SMAD3: variants seen among roughly 807,000 people sequenced by gnomAD.
SMAD3 encodes the protein SMAD family member 3, also known as MAD homolog 3.
A neutral mutation model predicts 51.8 loss-of-function variants in SMAD3; 12 were observed. The observed-to-expected ratio is 0.23, with a 90% confidence interval of 0.15 to 0.38. The LOEUF (loss-of-function observed/expected upper bound fraction) is 0.38. Among genes scored for constraint, SMAD3 ranks in the 10% least tolerant of loss-of-function variants. The probability of loss-of-function intolerance (pLI) is 1.00; values close to 1 mark genes in which losing one functional copy is unlikely to be tolerated. For synonymous variants in SMAD3, 238 were observed against 227.7 expected (o/e 1.05, Z -0.41); for missense variants, 294 against 565.6 (o/e 0.52, Z 4.87).
intron 1 of SMAD3, among the ~76,000 whole-genome samples, chr15:67,149,097 AGCAGAGAGCCACAGAGTGG>A (rs1424932918): frequency 6.6e-6 from 1 of 152,202 alleles, no homozygotes; most frequent in Admixed American, 6.5e-5. Context: ...GGTCATTCTT[AGCAGAGAGCCACAGAGTGG>A]GTTACTGTTT....
intron 1 of SMAD3, among the ~76,000 whole-genome samples, chr15:67,107,920 C>T (rs1025236134): frequency 2.0e-5 from 3 of 152,048 alleles, no homozygotes; most frequent in African/African-American, 7.2e-5. Flanking sequence ...GTGACTGGGC[C>T]TCCAGGTCAT....
intron 1 of SMAD3, chr15:67,098,865 C>T (rs1046387184): frequency 1.7e-5 from 12 of 701,362 alleles, no homozygotes; most frequent in Middle Eastern, 2.6e-4. Flanking sequence ...GGTGGGAGGG[C>T]ATACATGGAT....
intron 1 of SMAD3, among the ~76,000 whole-genome samples, chr15:67,081,287 G>A (rs1282085377): frequency 6.6e-6 from 1 of 152,216 alleles, no homozygotes; most frequent in African/African-American, 2.4e-5. Flanking sequence ...GAGCCCTGGT[G>A]TCATGGGGAT....
At chr15:67,175,106 G>T (rs563601714) in intron 5 of SMAD3, among the ~76,000 whole-genome samples, 19 of 152,336 alleles carry the variant, frequency 1.2e-4, no homozygotes, top group African/African-American at 4.6e-4. Flanking sequence ...AAGGATTGGG[G>T]TAAATGGAGG....
At chr15:67,147,576 T>C (rs1962013220) in intron 1 of SMAD3, among the ~76,000 whole-genome samples, 1 of 152,058 alleles carries the variant, frequency 6.6e-6, no homozygotes, top group Admixed American at 6.6e-5. Flanking sequence ...CCCCACCAGC[T>C]CCAAAGTCCT....
At chr15:67,138,427 C>T (rs1033758015) in intron 1 of SMAD3, 18 of 317,964 alleles carry the variant, frequency 5.7e-5, no homozygotes, top group Non-Finnish European at 8.5e-5. Context: ...GTGGGGAGAG[C>T]GTGCTGGGGA....
At chr15:67,182,713 G>A (rs1036973571) in intron 6 of SMAD3, among the ~76,000 whole-genome samples, 1 of 151,926 alleles carries the variant, frequency 6.6e-6, no homozygotes, top group Non-Finnish European at 1.5e-5. Flanking sequence ...GGTAGGGAAC[G>A]GCTCTGCAGA....
At position 67,191,241 on chromosome 15, in the gene SMAD3, C is replaced by T. The variant is rs762690517; in HGVS notation, c.*705C>T. Reference sequence around the variant, plus strand: ...TCTTTAAAAACTCACTTACGTTTGTCCTTTTTCACTTTGAAAAGTTGGAAG... The same window carrying T: ...TCTTTAAAAACTCACTTACGTTTGTTCTTTTTCACTTTGAAAAGTTGGAAG... On this transcript the variant is annotated 3_prime_UTR_variant, in exon 9 of 9. Transcript: ENST00000327367. 22 of 233,554 alleles carry T rather than the reference C, an allele frequency of 9.4e-5. No individual in the cohort carries two copies. Among genetic ancestry groups the T allele is most frequent in the Non-Finnish European group, 1.6e-4 (19 of 118,270 alleles). 14.5% of individuals were successfully genotyped at this position (233,554 alleles called of 1,614,324 possible).
At chr15:67,113,707 C>T (rs761953096) in intron 1 of SMAD3, among the ~76,000 whole-genome samples, 1 of 152,200 alleles carries the variant, frequency 6.6e-6, no homozygotes, top group Non-Finnish European at 1.5e-5. Flanking sequence ...ATGTCCCCAC[C>T]TCCAATATTT....
intron 1 of SMAD3, among the ~76,000 whole-genome samples, chr15:67,079,745 G>A (rs1960243324): frequency 6.6e-6 from 1 of 152,154 alleles, no homozygotes; most frequent in Non-Finnish European, 1.5e-5. Context: ...TGGCAGAACA[G>A]GAATCTTAAC....
In SMAD3 at chr15:67,066,241, A is replaced by G; in HGVS notation, c.87A>G (p.Lys29=). 6.2e-7 allele frequency: 1 copy of G among 1,613,592 alleles called. No homozygotes were observed. The highest frequency in any genetic ancestry group is 1.7e-4 in the Middle Eastern group (1 of 6,042). ...KKGEQNGQEE[K]WCEKAVKSLV... ...GCGAGCAGAACGGGCAGGAGGAGAA[A>G]TGGTGCGAGAAGGCGGTCAAGAGCC... Residue 29 remains lysine, a synonymous_variant, in exon 1 of 9, where the codon AAA becomes AAG. Coordinates refer to ENST00000327367, the MANE Select transcript of SMAD3 (RefSeq NM_005902.4).
At chr15:67,084,947 A>G (rs1960357461) in intron 1 of SMAD3, among the ~76,000 whole-genome samples, 1 of 152,218 alleles carries the variant, frequency 6.6e-6, no homozygotes, top group Non-Finnish European at 1.5e-5. Context: ...CCTGCTGCTC[A>G]ACAGAGTGCC....
Position 67,190,826 on chromosome 15 carries a change from C to T in SMAD3, c.*290C>T, listed in dbSNP as rs920110262. ...AGCAGAACAGGTAGTATTACACCAC[C>T]GGCCCCCTCCCCCCAGACTCTTTTT... is the stretch of plus-strand genomic sequence containing the variant. On this transcript the variant is annotated 3_prime_UTR_variant, in exon 9 of 9. Coordinates refer to ENST00000327367, the MANE Select transcript of SMAD3 (RefSeq NM_005902.4). The T allele has an allele frequency of 6.4e-6, 3 of 470,392 alleles. No homozygotes were observed. The highest frequency in any genetic ancestry group is 2.7e-5 in the South Asian group (1 of 37,302). The allele number at this position is 470,392 out of a possible 1,614,324, so 29.1% of individuals were successfully genotyped here. A position where few individuals can be genotyped will look rare whatever the true frequency, so the allele number is the denominator to read the frequency against.
At chr15:67,113,712 A>G (rs531082521) in intron 1 of SMAD3, among the ~76,000 whole-genome samples, 75 of 152,286 alleles carry the variant, frequency 4.9e-4, no homozygotes, top group African/African-American at 1.7e-3. Context: ...CCCACCTCCA[A>G]TATTTTCAGG....
intron 1 of SMAD3, among the ~76,000 whole-genome samples, chr15:67,156,094 A>G (rs1962276005): frequency 6.6e-6 from 1 of 152,182 alleles, no homozygotes; most frequent in Non-Finnish European, 1.5e-5. Flanking sequence ...CTCTGAGGGC[A>G]GATGGGCATA....
chr15:67,178,119 T>C (rs912858591), intron 5 of SMAD3, among the ~76,000 whole-genome samples: 2 of 152,156 alleles, frequency 1.3e-5, no homozygotes, highest in Non-Finnish European at 2.9e-5. Flanking sequence ...TGTGTGTCTG[T>C]GAGTTGCAGG....
intron 1 of SMAD3, among the ~76,000 whole-genome samples, chr15:67,140,398 T>C (rs2140263883): frequency 6.6e-6 from 1 of 152,372 alleles, no homozygotes; most frequent in Admixed American, 6.5e-5. Flanking sequence ...TCTCTTCTTT[T>C]TTCTAACTTC....
intron 1 of SMAD3, among the ~76,000 whole-genome samples, chr15:67,156,834 C>T (rs1023432979): frequency 3.3e-5 from 5 of 152,178 alleles, no homozygotes; most frequent in African/African-American, 1.2e-4. Flanking sequence ...AGGGAAGTCC[C>T]ATGATGATGG....
intron 1 of SMAD3, among the ~76,000 whole-genome samples, chr15:67,136,385 T>C: frequency 6.7e-6 from 1 of 149,860 alleles, no homozygotes; most frequent in East Asian, 2.0e-4. Context: ...CAGGCTGGAG[T>C]GCAGTGGTGC....
Sources: allele counts gnomAD v4.1 joint callset (sites outside exome capture counted in the v4.1 genomes callset), GRCh38; gene constraint gnomAD v4.1.1; transcripts MANE v1.5; gene names NCBI Gene and HGNC (gene_info 2026-07-23, HGNC 2026-07-21).